DNM3: variants seen among roughly 807,000 people sequenced by gnomAD.
DNM3 encodes dynamin-3.
In DNM3, 47 loss-of-function variants were observed where a neutral mutation model predicts 101.6. The observed-to-expected ratio is 0.46, with a 90% CI of 0.37 to 0.59. The LOEUF is 0.59. DNM3 is among the 20% of genes least tolerant of loss of function. DNM3 has a pLI of 0.00. For missense variants in DNM3, 849 were observed against 1,085.7 expected, an observed-to-expected ratio of 0.78 and a Z score of 3.06; for synonymous variants, 385 against 387.9, an observed-to-expected ratio of 0.99 and a Z score of 0.09.
chr1:172,029,140 C>T (rs1484950814), intron 4 of DNM3, among the ~76,000 whole-genome samples: 1 of 152,186 alleles, frequency 6.6e-6, no homozygotes, highest in Non-Finnish European at 1.5e-5. Context: ...CCCTGATGAA[C>T]ATTGATGCAA....
downstream of DNM3, among the ~76,000 whole-genome samples, chr1:172,412,871 A>C (rs1298267543): frequency 6.6e-6 from 1 of 152,146 alleles, no homozygotes; most frequent in Non-Finnish European, 1.5e-5. Context: ...ATTAATTTGG[A>C]GAAAGATGGG....
intron 10 of DNM3, among the ~76,000 whole-genome samples, chr1:172,056,566 C>A (rs545720375): frequency 0.011 from 1,611 of 152,208 alleles, 32 homozygotes; most frequent in African/African-American, 0.037. Flanking sequence ...CTGGGAGGCA[C>A]CCCCAAGCAG....
intron 2 of DNM3, among the ~76,000 whole-genome samples, chr1:171,951,705 C>A (rs753640789): frequency 6.6e-6 from 1 of 152,132 alleles, no homozygotes; most frequent in Non-Finnish European, 1.5e-5. Context: ...AAATCCTACT[C>A]AGTTTAAGCT....
intron 2 of DNM3, among the ~76,000 whole-genome samples, chr1:171,941,138 A>AT (rs1380900819): frequency 1.3e-5 from 2 of 152,118 alleles, no homozygotes; most frequent in East Asian, 1.9e-4. Context: ...TGAAAGCTGC[A>AT]TTTTTTTAGG....
At chr1:172,396,461 A>AAAT (rs1469714505) in intron 20 of DNM3, among the ~76,000 whole-genome samples, 1 of 152,242 alleles carries the variant, frequency 6.6e-6, no homozygotes, top group African/African-American at 2.4e-5. Context: ...TGAAATTTAG[A>AAAT]AATAAGCCCC....
chr1:171,894,733 C>T (rs1250424616), intron 1 of DNM3, among the ~76,000 whole-genome samples: 2 of 152,182 alleles, frequency 1.3e-5, no homozygotes, highest in African/African-American at 2.4e-5. Flanking sequence ...TATCCCTCTC[C>T]CAGCCCCCGA....
At chr1:171,846,431 C>T (rs1231929085) in intron 1 of DNM3, among the ~76,000 whole-genome samples, 1 of 152,064 alleles carries the variant, frequency 6.6e-6, no homozygotes, top group Admixed American at 6.5e-5. Flanking sequence ...TCACCCAGAA[C>T]CTTGGAGGAA....
intron 2 of DNM3, among the ~76,000 whole-genome samples, chr1:171,948,677 A>G (rs2042316149): frequency 6.6e-6 from 1 of 152,196 alleles, no homozygotes; most frequent in Admixed American, 6.5e-5. Flanking sequence ...CCCTGTTAAC[A>G]TACTTCCTCA....
intron 1 of DNM3, among the ~76,000 whole-genome samples, chr1:171,849,573 T>G (rs1454214274): frequency 1.3e-5 from 2 of 152,240 alleles, no homozygotes; most frequent in East Asian, 3.8e-4. Flanking sequence ...AAATACTTAC[T>G]TGTAGATAAG....
At chr1:172,078,162 A>G (rs1363932732) in intron 11 of DNM3, among the ~76,000 whole-genome samples, 2 of 152,060 alleles carry the variant, frequency 1.3e-5, no homozygotes, top group Non-Finnish European at 1.5e-5. Flanking sequence ...GCGCAATCTC[A>G]GCTCACTGCA....
At chr1:171,861,452 A>G (rs1396465759) in intron 1 of DNM3, among the ~76,000 whole-genome samples, 1 of 152,144 alleles carries the variant, frequency 6.6e-6, no homozygotes, top group Non-Finnish European at 1.5e-5. Flanking sequence ...TGGTCAATTG[A>G]TTTTTAACAA....
At chr1:172,045,700 T>G (rs535188540) in intron 9 of DNM3, among the ~76,000 whole-genome samples, 7 of 152,346 alleles carry the variant, frequency 4.6e-5, no homozygotes, top group Admixed American at 2.0e-4. Context: ...GAACATATGT[T>G]GAATTGCAGT....
At chr1:172,214,118 C>T (rs2060609995) in intron 14 of DNM3, among the ~76,000 whole-genome samples, 1 of 152,058 alleles carries the variant, frequency 6.6e-6, no homozygotes, top group Non-Finnish European at 1.5e-5. Context: ...TAAATTACAG[C>T]TGACAGAAAG....
At chr1:171,963,767 C>T (rs756788640) in intron 2 of DNM3, among the ~76,000 whole-genome samples, 3 of 135,144 alleles carry the variant, frequency 2.2e-5, no homozygotes, top group East Asian at 2.4e-4. Flanking sequence ...ATATAGATAA[C>T]GTATATATAT....
intron 17 of DNM3, among the ~76,000 whole-genome samples, chr1:172,340,050 G>A (rs1049267307): frequency 6.6e-6 from 1 of 152,152 alleles, no homozygotes; most frequent in Non-Finnish European, 1.5e-5. Flanking sequence ...GTTTTAGATT[G>A]TGCAATCTAG....
chr1:172,132,725 G>A (rs1316388569), intron 14 of DNM3, among the ~76,000 whole-genome samples: 1 of 152,070 alleles, frequency 6.6e-6, no homozygotes, highest in Non-Finnish European at 1.5e-5. Flanking sequence ...ATTTTACTAA[G>A]GAATCATAAC....
intron 17 of DNM3, among the ~76,000 whole-genome samples, chr1:172,326,338 A>G (rs78846153): frequency 1.3e-5 from 2 of 152,244 alleles, no homozygotes; most frequent in South Asian, 2.1e-4. Flanking sequence ...GGTAGAGTCT[A>G]TCTCCTCCTA....
intron 4 of DNM3, among the ~76,000 whole-genome samples, chr1:172,001,411 A>G (rs2046351534): frequency 6.6e-6 from 1 of 151,856 alleles, no homozygotes; most frequent in African/African-American, 2.4e-5. Context: ...AAAGCAGAGG[A>G]GTTAGTGGTG....
chr1:172,184,127 T>C (rs10489296), intron 14 of DNM3, among the ~76,000 whole-genome samples: 10,359 of 152,094 alleles, frequency 0.068, 420 homozygotes, highest in East Asian at 0.13. Flanking sequence ...AGTTGTGAAG[T>C]TCATTAGGTT....
Sources: gnomAD v4.1 joint callset for allele counts (sites outside exome capture counted in the v4.1 genomes callset) on GRCh38, gnomAD v4.1.1 for gene constraint, MANE v1.5 for transcripts, NCBI Gene and HGNC (gene_info 2026-07-23, HGNC 2026-07-21) for gene names.